TMEM132D: variants seen among roughly 807,000 people sequenced by gnomAD.
TMEM132D encodes mature OL transmembrane protein.
In TMEM132D, 21 loss-of-function variants were observed where a neutral mutation model predicts 62.3. That is an observed-to-expected ratio of 0.34 (90% CI 0.24 to 0.49). The LOEUF is 0.49. Among genes scored for constraint, TMEM132D ranks in the 20% least tolerant of loss-of-function variants. TMEM132D has a pLI of 0.99. For synonymous variants in TMEM132D, 621 were observed against 575.6 expected (o/e 1.08, Z -1.13); for missense variants, 1,346 against 1,402.8 (o/e 0.96, Z 0.65).
intron 1 of TMEM132D, among the ~76,000 whole-genome samples, chr12:129,801,127 G>A (rs933919870): frequency 3.3e-5 from 5 of 152,186 alleles, no homozygotes; most frequent in Admixed American, 6.5e-5. Flanking sequence ...AGGCAGCAGC[G>A]AGGTTGGGGG....
chr12:129,419,198 A>C (rs1424855314), intron 3 of TMEM132D, among the ~76,000 whole-genome samples: 2 of 151,694 alleles, frequency 1.3e-5, no homozygotes, highest in Non-Finnish European at 2.9e-5. Flanking sequence ...TCCAAGCTAC[A>C]CCTTCAAGTT....
At chr12:129,084,760 G>A (rs761144856) in intron 5 of TMEM132D, 58 bp from the exon 6 acceptor site, 1 of 1,543,428 alleles carries the variant, frequency 6.5e-7, no homozygotes, top group East Asian at 2.3e-5. Context: ...CCCGTTGCAT[G>A]GCCCAAGGAG....
At chr12:129,326,689 T>C (rs1401047261) in intron 4 of TMEM132D, among the ~76,000 whole-genome samples, 1 of 152,210 alleles carries the variant, frequency 6.6e-6, no homozygotes, top group Non-Finnish European at 1.5e-5. Context: ...GCCAGCTCCA[T>C]TGTTTTCAAC....
chr12:129,740,706 T>C (rs1869574223), intron 1 of TMEM132D, among the ~76,000 whole-genome samples: 1 of 152,172 alleles, frequency 6.6e-6, no homozygotes, highest in Admixed American at 6.5e-5. Context: ...CATTATTTTC[T>C]GGTTTGTGCT....
intron 4 of TMEM132D, among the ~76,000 whole-genome samples, chr12:129,292,463 C>G (rs1300451152): frequency 6.6e-6 from 1 of 152,136 alleles, no homozygotes; most frequent in Non-Finnish European, 1.5e-5. Flanking sequence ...GAGATTGATC[C>G]ATCCTTTATG....
At chr12:129,208,161 G>A (rs1462509074) in intron 5 of TMEM132D, among the ~76,000 whole-genome samples, 1 of 152,148 alleles carries the variant, frequency 6.6e-6, no homozygotes, top group Non-Finnish European at 1.5e-5. Context: ...CAGCAAGGTG[G>A]TCAATGCTTT....
intron 3 of TMEM132D, among the ~76,000 whole-genome samples, chr12:129,500,169 G>T (rs751201583): frequency 9.3e-5 from 13 of 139,084 alleles, no homozygotes; most frequent in Non-Finnish European, 1.8e-4. Flanking sequence ...CAATTCACCG[G>T]ACCTCATCTG....
intron 5 of TMEM132D, among the ~76,000 whole-genome samples, chr12:129,135,451 G>A (rs1337204375): frequency 2.0e-5 from 3 of 152,180 alleles, no homozygotes; most frequent in Non-Finnish European, 4.4e-5. Context: ...GGGAGGCACT[G>A]TTGGGGAGAT....
At chr12:129,778,553 C>T (rs1871022507) in intron 1 of TMEM132D, among the ~76,000 whole-genome samples, 1 of 152,216 alleles carries the variant, frequency 6.6e-6, no homozygotes, top group African/African-American at 2.4e-5. Context: ...CAGGCACAGT[C>T]ATCCTGAGCA....
chr12:129,100,692 G>A (rs1008784398), intron 5 of TMEM132D, among the ~76,000 whole-genome samples: 3 of 152,226 alleles, frequency 2.0e-5, no homozygotes, highest in African/African-American at 4.8e-5. Flanking sequence ...TGAGGCAGCT[G>A]AGGCTAAGTG....
intron 1 of TMEM132D, among the ~76,000 whole-genome samples, chr12:129,742,916 G>T (rs1869653875): frequency 6.6e-6 from 1 of 152,200 alleles, no homozygotes. Flanking sequence ...AACCCACTGG[G>T]AAGCCAGACC....
chr12:129,555,094 A>C (rs1035867626), intron 2 of TMEM132D, among the ~76,000 whole-genome samples: 1 of 152,238 alleles, frequency 6.6e-6, no homozygotes, highest in Admixed American at 6.5e-5. Context: ...AAACAATGAC[A>C]ATAATAGGAT....
intron 3 of TMEM132D, among the ~76,000 whole-genome samples, chr12:129,413,688 A>T (rs984155177): frequency 2.0e-5 from 3 of 152,134 alleles, no homozygotes; most frequent in African/African-American, 7.2e-5. Flanking sequence ...TTCCACAAAT[A>T]TTTACTGTGT....
intron 1 of TMEM132D, among the ~76,000 whole-genome samples, chr12:129,755,645 A>G (rs1022607616): frequency 5.3e-5 from 8 of 152,222 alleles, no homozygotes; most frequent in African/African-American, 1.9e-4. Context: ...GAAGAAAGAA[A>G]GTAGACTGTT....
intron 3 of TMEM132D, among the ~76,000 whole-genome samples, chr12:129,431,529 G>T (rs983607819): frequency 2.3e-4 from 35 of 152,170 alleles, no homozygotes; most frequent in African/African-American, 8.4e-4. Flanking sequence ...CACAAAAGTA[G>T]ATCCAGGTTC....
chr12:129,303,628 G>T (rs1881772759), intron 4 of TMEM132D, among the ~76,000 whole-genome samples: 2 of 152,012 alleles, frequency 1.3e-5, no homozygotes, highest in Admixed American at 6.6e-5. Context: ...ACTCTGCAGA[G>T]CCTCCGTATT....
At chr12:129,410,880 G>T (rs1208584205) in intron 3 of TMEM132D, among the ~76,000 whole-genome samples, 1 of 152,068 alleles carries the variant, frequency 6.6e-6, no homozygotes, top group African/African-American at 2.4e-5. Flanking sequence ...TCTAATTCAA[G>T]GACATGAATA....
chr12:129,762,010 T>G (rs116625622), intron 1 of TMEM132D, among the ~76,000 whole-genome samples: 1,877 of 152,292 alleles, frequency 0.012, 39 homozygotes, highest in African/African-American at 0.043. Context: ...ACTGCAATTT[T>G]TCTGTCATGA....
rs76350205 is a variant in TMEM132D at position 129,082,225 on chromosome 12, G to A, written c.1650-193C>T. Among the ~76,000 whole-genome samples the A allele has an allele frequency of 9.8e-3, 1,494 of 152,274 alleles. 28 individuals carry two copies. Among genetic ancestry groups the A allele is most frequent in the African/African-American group, 0.033 (1,382 of 41,550 alleles). Reference sequence around the variant, plus strand: ...TGAGCACTGACCCATCAGCATGGCCGGTGCAGCCAGCAGAGTTTAAAGTGT... The same window carrying A: ...TGAGCACTGACCCATCAGCATGGCCAGTGCAGCCAGCAGAGTTTAAAGTGT... On this transcript the variant is annotated intron_variant, in intron 6 of 8. Coordinates refer to ENST00000422113, the MANE Select transcript of TMEM132D (RefSeq NM_133448.3).
Sources: allele counts gnomAD v4.1 joint callset (sites outside exome capture counted in the v4.1 genomes callset), GRCh38; gene constraint gnomAD v4.1.1; transcripts MANE v1.5; gene names NCBI Gene and HGNC (gene_info 2026-07-23, HGNC 2026-07-21).